The following ANGPT2 variants were observed in gnomAD, a reference collection of about 807,000 sequenced individuals.
ANGPT2 encodes the protein angiopoietin-2.
In ANGPT2, 28 loss-of-function variants were observed where a neutral mutation model predicts 62.9. The ratio of observed to expected loss-of-function variants is 0.44; its 90% confidence interval spans 0.33 to 0.61. The LOEUF (loss-of-function observed/expected upper bound fraction) is 0.61, where lower values mean the gene tolerates loss of function less well. ANGPT2 is among the 20% of genes least tolerant of loss of function. The probability of loss-of-function intolerance (pLI) is 0.03; values close to 1 mark genes in which losing one functional copy is unlikely to be tolerated. For synonymous variants in ANGPT2, 284 were observed against 207.8 expected (o/e 1.37, Z -3.15); for missense variants, 727 against 594.9 (o/e 1.22, Z -2.31).
At chr8:6,526,140 C>T (rs1818281070) in intron 3 of ANGPT2, among the ~76,000 whole-genome samples, 2 of 151,768 alleles carry the variant, frequency 1.3e-5, no homozygotes, top group African/African-American at 2.4e-5. Context: ...GAAAACGACG[C>T]CAGGTACGGT....
intron 8 of ANGPT2, among the ~76,000 whole-genome samples, chr8:6,504,282 C>T (rs1248242309): frequency 7.3e-6 from 1 of 137,486 alleles, no homozygotes; most frequent in Non-Finnish European, 1.5e-5. Context: ...CGCGCCACTG[C>T]ACTCCAGCCT....
At chr8:6,503,302 T>G (rs376441724) in intron 8 of ANGPT2, 41 bp from the exon 9 acceptor site, 129 of 1,610,054 alleles carry the variant, frequency 8.0e-5, no homozygotes, top group Non-Finnish European at 9.9e-5. Context: ...AACTAGGTGA[T>G]GCCAGCTCCC....
chr8:6,522,026 G>T (rs374468091), intron 3 of ANGPT2, among the ~76,000 whole-genome samples: 1 of 152,286 alleles, frequency 6.6e-6, no homozygotes, highest in African/African-American at 2.4e-5. Context: ...TATCACCTAG[G>T]TCATGGGGTT....
At chr8:6,554,578 GGTT>G (rs1824259948) in intron 1 of ANGPT2, among the ~76,000 whole-genome samples, 1 of 152,020 alleles carries the variant, frequency 6.6e-6, no homozygotes, top group East Asian at 1.9e-4. Context: ...TTTTTAATTT[GGTT>G]GTTGGTTTTT....
At chr8:6,542,079 A>G (rs17077465) in intron 1 of ANGPT2, among the ~76,000 whole-genome samples, 25,558 of 151,986 alleles carry the variant, frequency 0.17, 2,255 homozygotes, top group African/African-American at 0.2. Context: ...AGCTCTAGGA[A>G]TGAGATTGAT....
At chr8:6,505,968 C>T (rs868088936) in intron 8 of ANGPT2, among the ~76,000 whole-genome samples, 6 of 1,456 alleles carry the variant, frequency 4.1e-3, no homozygotes, top group East Asian at 0.083. Context: ...TAAAAACATA[C>T]ATATTCTTTG....
chr8:6,511,860 CTTT>C (rs1006701271), intron 7 of ANGPT2, among the ~76,000 whole-genome samples: 1 of 149,508 alleles, frequency 6.7e-6, no homozygotes, highest in African/African-American at 2.5e-5. Context: ...TTGTAAAAAT[CTTT>C]TTATACAAAC....
chr8:6,531,577 C>G (rs1171493862), intron 2 of ANGPT2, among the ~76,000 whole-genome samples: 1 of 152,168 alleles, frequency 6.6e-6, no homozygotes, highest in African/African-American at 2.4e-5. Flanking sequence ...CAGGCGTGAG[C>G]TACTGCGCCT....
At chr8:6,545,882 A>G (rs915884548) in intron 1 of ANGPT2, among the ~76,000 whole-genome samples, 10 of 152,234 alleles carry the variant, frequency 6.6e-5, no homozygotes, top group Non-Finnish European at 1.3e-4. Context: ...AGCTACTGCA[A>G]TGCAAGTGTT....
intron 8 of ANGPT2, chr8:6,508,482 A>G (rs1814251450): frequency 1.1e-5 from 2 of 189,522 alleles, no homozygotes. Flanking sequence ...CTGTAAATAA[A>G]TAAATAATAA....
intron 7 of ANGPT2, among the ~76,000 whole-genome samples, chr8:6,511,935 C>A (rs1287191003): frequency 1.4e-5 from 2 of 148,068 alleles, no homozygotes; most frequent in African/African-American, 5.0e-5. Flanking sequence ...GTTGTAGATT[C>A]CTAACTGTTG....
In ANGPT2 at chr8:6,500,189, C is replaced by A; in HGVS notation, c.*2912G>T. ...TTAACATCCTCAGAACTGAGAAAAA[C>A]AAAAATGAAAAAAGACTGAATTCTT... On this transcript the variant is annotated 3_prime_UTR_variant, in exon 9 of 9. Transcript: ENST00000629816. The A allele has an allele frequency of 3.5e-5, 16 of 461,576 alleles. No homozygotes were observed. Among genetic ancestry groups the A allele is most frequent in the African/African-American group, 7.9e-5 (4 of 50,666 alleles). 28.6% of individuals were successfully genotyped at this position (461,576 alleles called of 1,614,324 possible). A position where few individuals can be genotyped will look rare whatever the true frequency, so the allele number is the denominator to read the frequency against.
chr8:6,506,778 CT>C (rs552063597), intron 8 of ANGPT2, among the ~76,000 whole-genome samples: 724 of 127,698 alleles, frequency 5.7e-3, no homozygotes, highest in Middle Eastern at 8.3e-3. Flanking sequence ...CAGAGGATTG[CT>C]TTTTTTTTTT....
At chr8:6,517,413 T>C (rs1816473664) in intron 5 of ANGPT2, among the ~76,000 whole-genome samples, 1 of 152,190 alleles carries the variant, frequency 6.6e-6, no homozygotes, top group Non-Finnish European at 1.5e-5. Context: ...GGGAAGGAAA[T>C]GACCATACAT....
At chr8:6,531,377 C>T (rs1039769957) in intron 2 of ANGPT2, among the ~76,000 whole-genome samples, 12 of 152,006 alleles carry the variant, frequency 7.9e-5, no homozygotes, top group Admixed American at 3.9e-4. Context: ...CAGCCTCTGC[C>T]TCCTGGGTTG....
intron 2 of ANGPT2, among the ~76,000 whole-genome samples, chr8:6,530,155 G>A (rs1333399182): frequency 6.6e-6 from 1 of 152,038 alleles, no homozygotes; most frequent in Non-Finnish European, 1.5e-5. Context: ...ATCAAAAGGT[G>A]GGGCATGTGA....
intron 3 of ANGPT2, among the ~76,000 whole-genome samples, chr8:6,521,980 C>G (rs937537832): frequency 6.6e-6 from 1 of 152,190 alleles, no homozygotes; most frequent in Admixed American, 6.5e-5. Context: ...CTTAGTCACC[C>G]TATGCGTTAA....
chr8:6,540,368 T>C (rs1226277394), intron 1 of ANGPT2, among the ~76,000 whole-genome samples: 2 of 152,220 alleles, frequency 1.3e-5, no homozygotes, highest in African/African-American at 4.8e-5. Context: ...TTTAAATATA[T>C]GTAAGTTTAA....
intron 3 of ANGPT2, among the ~76,000 whole-genome samples, chr8:6,527,327 C>A (rs145983965): frequency 9.0e-4 from 137 of 152,314 alleles, no homozygotes; most frequent in African/African-American, 3.0e-3. Context: ...CTAAGAGGAT[C>A]TTTAAGGGGC....
Sources: allele counts gnomAD v4.1 joint callset (sites outside exome capture counted in the v4.1 genomes callset), GRCh38; gene constraint gnomAD v4.1.1; transcripts MANE v1.5; gene names NCBI Gene and HGNC (gene_info 2026-07-23, HGNC 2026-07-21).